Variants in ETV1 observed in about 807,000 individuals in gnomAD.
The protein encoded by ETV1 is ETS translocation variant 1.
A neutral mutation model predicts 62.3 loss-of-function variants in ETV1; 27 were observed. That is an observed-to-expected ratio of 0.43 (90% CI 0.32 to 0.60). The LOEUF (loss-of-function observed/expected upper bound fraction) is 0.60, where lower values mean the gene tolerates loss of function less well. ETV1 is among the 20% of genes least tolerant of loss of function. ETV1 has a pLI of 0.06. For missense variants in ETV1, 605 were observed against 605.8 expected, an observed-to-expected ratio of 1.00 and a Z score of 0.01; for synonymous variants, 222 against 199.6, an observed-to-expected ratio of 1.11 and a Z score of -0.94.
At chr7:13,937,222 G>C (rs1786904558) in intron 7 of ETV1, among the ~76,000 whole-genome samples, 2 of 152,146 alleles carry the variant, frequency 1.3e-5, no homozygotes, top group South Asian at 4.1e-4. Flanking sequence ...TGCTGCACAA[G>C]GCAGCTCTTG....
intron 6 of ETV1, among the ~76,000 whole-genome samples, chr7:13,948,661 G>C (rs1214470713): frequency 6.6e-6 from 1 of 152,156 alleles, no homozygotes; most frequent in Non-Finnish European, 1.5e-5. Flanking sequence ...AAATGGAGTA[G>C]TTGTAACAGA....
rs1202004353 is a variant in ETV1, at chr7:13,895,574, T to C, written c.*292A>G. ...ATAGTTTCATCATACTCAAAACTTG[T>C]AGGACCCCATCCCAAGCCTAAGTAA... is the stretch of plus-strand genomic sequence containing the variant. On this transcript the variant is annotated 3_prime_UTR_variant, in exon 14 of 14. Transcript: ENST00000430479. 5.3e-6 allele frequency: 2 copies of C among 380,808 alleles called. No homozygotes were observed. Among genetic ancestry groups the C allele is most frequent in the Non-Finnish European group, 9.5e-6 (2 of 210,020 alleles). 23.6% of individuals were successfully genotyped at this position (380,808 alleles called of 1,614,324 possible). A position where few individuals can be genotyped will look rare whatever the true frequency, so the allele number is the denominator to read the frequency against.
chr7:13,912,172 G>A (rs555999063), intron 9 of ETV1, among the ~76,000 whole-genome samples: 17 of 152,290 alleles, frequency 1.1e-4, no homozygotes, highest in African/African-American at 4.1e-4. Flanking sequence ...GCAGCCAGAG[G>A]AAAACAGATA....
intron 6 of ETV1, among the ~76,000 whole-genome samples, chr7:13,946,668 A>G (rs1003169998): frequency 6.6e-6 from 1 of 152,236 alleles, no homozygotes; most frequent in African/African-American, 2.4e-5. Flanking sequence ...AAAAGCAACA[A>G]TGCTGGTATA....
intron 6 of ETV1, among the ~76,000 whole-genome samples, chr7:13,971,741 G>C (rs1277982760): frequency 6.6e-6 from 1 of 152,148 alleles, no homozygotes; most frequent in African/African-American, 2.4e-5. Flanking sequence ...TAACCAAATG[G>C]AAACAAACTA....
chr7:13,914,488 T>C (rs1241227934), intron 9 of ETV1, among the ~76,000 whole-genome samples: 1 of 152,200 alleles, frequency 6.6e-6, no homozygotes, highest in Non-Finnish European at 1.5e-5. Flanking sequence ...GTCATTTTAA[T>C]GCACTAATCA....
chr7:13,912,696 T>C lies in ETV1; in HGVS notation c.803-1389A>G, dbSNP rs1474392721. 2.0e-5 allele frequency among the ~76,000 whole-genome samples: 3 copies of C among 152,186 alleles called. No homozygotes were observed. The East Asian group carries it at 5.8e-4, about 29-fold the overall frequency. On this transcript the variant is annotated intron_variant, in intron 9 of 13. Transcript: ENST00000430479. ...TAAAATTAACATCTAGCTCTTAAAA[T>C]GGATACACTTGGCTAGCATTGTTTA...
chr7:13,986,689 A>G lies in ETV1; in HGVS notation c.134-4T>C. The G allele has an allele frequency of 1.2e-6, 2 of 1,608,020 alleles. No individual in the cohort carries two copies. Among genetic ancestry groups the G allele is most frequent in the Non-Finnish European group, 1.7e-6 (2 of 1,176,800 alleles). ...TGACTTAGATCTTGAAAGAGTTCTA[A>G]AAAACAAGTCAAAGACATAAACATA... On this transcript the variant is annotated splice_region_variant and splice_polypyrimidine_tract_variant and intron_variant, in intron 4 of 13. Coordinates refer to ENST00000430479, the MANE Select transcript of ETV1 (RefSeq NM_004956.5).
intron 4 of ETV1, among the ~76,000 whole-genome samples, chr7:13,987,471 A>G (rs893471706): frequency 1.3e-5 from 2 of 152,184 alleles, no homozygotes; most frequent in African/African-American, 4.8e-5. Flanking sequence ...ACATACTGAC[A>G]TCCTAGCAAC....
intron 8 of ETV1, among the ~76,000 whole-genome samples, chr7:13,933,839 C>T (rs1248235007): frequency 6.6e-6 from 1 of 152,190 alleles, no homozygotes; most frequent in South Asian, 2.1e-4. Flanking sequence ...TGTTCTCAGT[C>T]TCAAATATCT....
chr7:13,957,276 C>T (rs569020019), intron 6 of ETV1, among the ~76,000 whole-genome samples: 24 of 151,876 alleles, frequency 1.6e-4, no homozygotes, highest in Admixed American at 6.6e-4. Flanking sequence ...TTAGTAGTGA[C>T]GGGGTTTCAC....
chr7:13,945,521 T>G (rs1262984319), intron 6 of ETV1, among the ~76,000 whole-genome samples: 1 of 152,162 alleles, frequency 6.6e-6, no homozygotes, highest in East Asian at 1.9e-4. Context: ...TTTTTTGAAT[T>G]GCTGCATGTG....
At position 13,891,292 on chromosome 7, in the gene ETV1, T is replaced by C. The variant is rs1162165566; in HGVS notation, c.*4574A>G. 2 of 229,316 alleles carry C rather than the reference T, an allele frequency of 8.7e-6. No individual in the cohort carries two copies. The highest frequency in any genetic ancestry group is 1.3e-3 in the Middle Eastern group (1 of 782). 14.2% of individuals were successfully genotyped at this position (229,316 alleles called of 1,614,324 possible). On this transcript the variant is annotated 3_prime_UTR_variant, in exon 14 of 14. Coordinates refer to ENST00000430479, the MANE Select transcript of ETV1 (RefSeq NM_004956.5). ...GAGCATATTTAATTTGCTATAATCATGATTTTCATAGCATGTTTTCTCAAA... is the reference window on the plus strand; with the variant it reads ...GAGCATATTTAATTTGCTATAATCACGATTTTCATAGCATGTTTTCTCAAA...
intron 6 of ETV1, among the ~76,000 whole-genome samples, chr7:13,971,191 G>A (rs1170913165): frequency 6.6e-6 from 1 of 152,186 alleles, no homozygotes. Flanking sequence ...GGCTAGTCTC[G>A]AACTCCTGAC....
chr7:13,943,998 G>T (rs1787863041), intron 6 of ETV1, among the ~76,000 whole-genome samples: 1 of 152,144 alleles, frequency 6.6e-6, no homozygotes, highest in Non-Finnish European at 1.5e-5. Context: ...ATTCCAGATG[G>T]GTAGGAAATG....
Position 13,950,941 on chromosome 7 carries a change from C to CAA in ETV1, c.236-11697_236-11696dup, listed in dbSNP as rs1554303958. 8.4e-3 allele frequency among the ~76,000 whole-genome samples: 1,241 copies of CAA among 147,210 alleles called. 8 individuals are homozygous for CAA. The highest frequency in any genetic ancestry group is 0.022 in the South Asian group (102 of 4,594). Reference sequence around the variant, plus strand: ...ACACACACACACACACACACACACACAATATCGAGCAATACTGGGTCCAAT... The same window carrying CAA: ...ACACACACACACACACACACACACACAAAATATCGAGCAATACTGGGTCCAAT... On this transcript the variant is annotated intron_variant, in intron 6 of 13. Coordinates refer to ENST00000430479, the MANE Select transcript of ETV1 (RefSeq NM_004956.5).
In ETV1 at chr7:13,989,476, G is replaced by C; in HGVS notation, c.-284-12C>G. 2 of 403,470 alleles carry C rather than the reference G, an allele frequency of 5.0e-6. No homozygotes were observed. The highest frequency in any genetic ancestry group is 8.7e-6 in the Non-Finnish European group (2 of 229,282). 25.0% of individuals were successfully genotyped at this position (403,470 alleles called of 1,614,324 possible). ...TGCACCTAACGGGACTAAAGAGACG[G>C]AGACACCTCTTTCATCAGGATAGTT... On this transcript the variant is annotated splice_polypyrimidine_tract_variant and intron_variant, in intron 1 of 13. Coordinates refer to ENST00000430479, the MANE Select transcript of ETV1 (RefSeq NM_004956.5).
In ETV1 at chr7:13,893,755, A is replaced by G. The variant is rs895891197; in HGVS notation, c.*2111T>C. The G allele has an allele frequency of 3.4e-5, 8 of 232,962 alleles. No homozygotes were observed. The highest frequency in any genetic ancestry group is 1.8e-4 in the African/African-American group (8 of 45,460). The allele number at this position is 232,962 out of a possible 1,614,324, so 14.4% of individuals were successfully genotyped here. ...ATTATATATCTCAATTCCTTTTTCCAATAAAACTTTCACTGAATATTTTAA... is the reference window on the plus strand; with the variant it reads ...ATTATATATCTCAATTCCTTTTTCCGATAAAACTTTCACTGAATATTTTAA... On this transcript the variant is annotated 3_prime_UTR_variant, in exon 14 of 14. Coordinates refer to ENST00000430479, the MANE Select transcript of ETV1 (RefSeq NM_004956.5).
At chr7:13,963,903 T>C (rs536994358) in intron 6 of ETV1, among the ~76,000 whole-genome samples, 181 of 152,320 alleles carry the variant, frequency 1.2e-3, no homozygotes, top group Non-Finnish European at 2.1e-3. Context: ...AACTTTCTAA[T>C]GCAACAGCCT....
Sources: gnomAD v4.1 joint callset for allele counts (sites outside exome capture counted in the v4.1 genomes callset) on GRCh38, gnomAD v4.1.1 for gene constraint, MANE v1.5 for transcripts, NCBI Gene and HGNC (gene_info 2026-07-23, HGNC 2026-07-21) for gene names.